The following LTBP2 variants were observed in gnomAD, a reference collection of about 807,000 sequenced individuals.
LTBP2 encodes latent-transforming growth factor beta-binding protein 2.
A neutral mutation model predicts 210.6 loss-of-function variants in LTBP2; 103 were observed. The ratio of observed to expected loss-of-function variants is 0.49; its 90% CI spans 0.42 to 0.58. The LOEUF is 0.58. Ranked by LOEUF, LTBP2 falls within the 20% of genes least tolerant of loss-of-function variation. The probability of loss-of-function intolerance (pLI) is 0.00; values close to 1 mark genes in which losing one functional copy is unlikely to be tolerated. For synonymous variants in LTBP2, 1,007 were observed against 1,015.0 expected (o/e 0.99, Z 0.15); for missense variants, 2,313 against 2,494.5 (o/e 0.93, Z 1.55).
Position 74,506,834 on chromosome 14 carries a change from G to A in LTBP2, c.3908-11C>T, listed in dbSNP as rs543674914. On this transcript the variant is annotated splice_polypyrimidine_tract_variant and intron_variant, in intron 26 of 35. Coordinates refer to ENST00000261978, the MANE Select transcript of LTBP2 (RefSeq NM_000428.3). ...CGCACTCGTCTATGTCTGTGGGACA[G>A]TGGGAACCAGGATAGAGGATGTGTG... 8 of 1,613,520 alleles carry A rather than the reference G, an allele frequency of 5.0e-6. No individual in the cohort carries two copies. Among genetic ancestry groups the A allele is most frequent in the Non-Finnish European group, 6.8e-6 (8 of 1,179,916 alleles).
At position 74,506,695 on chromosome 14, in the gene LTBP2, C is replaced by T. The variant is rs1379013287; in HGVS notation, c.4033+3G>A. 1 of 1,613,274 alleles carries T rather than the reference C, an allele frequency of 6.2e-7. No individual in the cohort carries two copies. The highest frequency in any genetic ancestry group is 8.5e-7 in the Non-Finnish European group (1 of 1,179,988). On this transcript the variant is annotated splice_donor_region_variant and intron_variant, in intron 27 of 35. Transcript: ENST00000261978. The stretch of plus-strand genomic sequence containing the variant: ...GACCTTGGGTAGCCCACAGGCTCCT[C>T]ACCCACACAGTCCCAGCCTGAGGGA...
At chr14:74,501,266 C>CG (rs1428882394) in intron 35 of LTBP2, among the ~76,000 whole-genome samples, 175 bp downstream of exon 35, 2 of 152,240 alleles carry the variant, frequency 1.3e-5, no homozygotes, top group Non-Finnish European at 2.9e-5. Flanking sequence ...GGAACCTGCA[C>CG]GGAAGGGGCT....
At position 74,611,483 on chromosome 14, in the gene LTBP2, C is replaced by T. The variant is rs771089675; in HGVS notation, c.462G>A (p.Ala154=). 2.0e-6 allele frequency: 3 copies of T among 1,494,824 alleles called. No homozygotes were observed. The highest frequency in any genetic ancestry group is 2.6e-6 in the Non-Finnish European group (3 of 1,135,556). 92.6% of individuals were successfully genotyped at this position (1,494,824 alleles called of 1,614,324 possible). The change falls in exon 1 of 36, where the codon GCG becomes GCA. Residue 154 remains alanine (A), a synonymous_variant. Coordinates refer to ENST00000261978, the MANE Select transcript of LTBP2 (RefSeq NM_000428.3). ...GCCGCCCTCGCGGCGGGGTTGGGGG[C>T]GCAGCCCCAGACCGCTGTGGGGTCC... ...RLGTPQRSGA[A]PPTPPRGRLT... is the part of the protein sequence containing the mutation.
intron 26 of LTBP2, 61 bp from the exon 27 acceptor site, chr14:74,506,884 CGCGCGTGTGT>C: frequency 6.6e-7 from 1 of 1,506,030 alleles, no homozygotes; most frequent in East Asian, 2.4e-5. Flanking sequence ...TGTGTGCGCG[CGCGCGTGTGT>C]GCTCACTCTC....
chr14:74,509,378 C>T lies in LTBP2; in HGVS notation c.3278-15G>A, dbSNP rs201661499. The T allele has an allele frequency of 1.7e-5, 28 of 1,612,522 alleles. No homozygotes were observed. The highest frequency in any genetic ancestry group is 3.3e-5 in the Admixed American group (2 of 59,994). ...CTCATCTAGGTCTGCAGACAGACAG[C>T]GCTCGCCCGGGGACCTAGGAGGGCT... On this transcript the variant is annotated splice_polypyrimidine_tract_variant and intron_variant, in intron 21 of 35. Coordinates refer to ENST00000261978, the MANE Select transcript of LTBP2 (RefSeq NM_000428.3).
At chr14:74,587,550 A>G (rs2088225129) in intron 2 of LTBP2, among the ~76,000 whole-genome samples, 1 of 151,524 alleles carries the variant, frequency 6.6e-6, no homozygotes, top group Non-Finnish European at 1.5e-5. Context: ...GGCGAAGACC[A>G]GGCTGTGGAG....
At chr14:74,540,062 C>T (rs759372791) in intron 8 of LTBP2, among the ~76,000 whole-genome samples, 23 of 152,134 alleles carry the variant, frequency 1.5e-4, no homozygotes, top group Non-Finnish European at 2.9e-4. Context: ...CCATTTTTAC[C>T]AACAACCTCC....
chr14:74,537,168 A>G (rs1291854587), intron 8 of LTBP2, among the ~76,000 whole-genome samples: 1 of 151,460 alleles, frequency 6.6e-6, no homozygotes, highest in Non-Finnish European at 1.5e-5. Flanking sequence ...AAGAAAAAAA[A>G]AAAAACCAAA....
rs566005009 is a variant in LTBP2 at position 74,577,809 on chromosome 14, C to A, written c.830+8045G>T. On this transcript the variant is annotated intron_variant, in intron 3 of 35. Transcript: ENST00000261978. ...GGCATGGCCAGCGCGCCCAGCTGAC[C>A]ATTAGCTCTTGAGCTTAGAGGAGAT... 1.4e-3 allele frequency among the ~76,000 whole-genome samples: 205 copies of A among 146,348 alleles called. 4 individuals are homozygous for A. The highest frequency in any genetic ancestry group is 4.1e-4 in the Non-Finnish European group (27 of 65,802).
In LTBP2 at chr14:74,528,521, G is replaced by A. The variant is rs2087304958; in HGVS notation, c.2330C>T (p.Thr777Met). Reference protein sequence around the residue: ...PAERQPLRVVTDTWLEAGTIP... With the variant: ...PAERQPLRVVMDTWLEAGTIP... ...GGTCCCGGCCTCAAGCCAGGTGTCC[G>A]TGACGACCCGGAGGGGCTGCCTCTC... Residue 777 changes from threonine to methionine, a missense_variant, in exon 12 of 36, where the codon ACG becomes ATG. Physicochemically the swap from Thr to Met is moderately conservative, Grantham distance 81. Coordinates refer to ENST00000261978, the MANE Select transcript of LTBP2 (RefSeq NM_000428.3). 5.6e-6 allele frequency: 9 copies of A among 1,612,170 alleles called. No homozygotes were observed. The highest frequency in any genetic ancestry group is 2.0e-4 in the Middle Eastern group (1 of 5,048).
Position 74,501,522 on chromosome 14 carries a change from G to T in LTBP2, c.5239C>A (p.Arg1747Ser), listed in dbSNP as rs749061798. ...TAGCCCTCCCGCACGCGCACACAGC[G>T]GCCATTCTCACAGCCGTTCAGGATG... ...CGILNGCENG[R>S]CVRVREGYTC... Residue 1747 changes from arginine to serine, a missense_variant, in exon 35 of 36, where the codon CGC becomes AGC. Arg to Ser is a moderately radical substitution (Grantham distance 110). Coordinates refer to ENST00000261978, the MANE Select transcript of LTBP2 (RefSeq NM_000428.3). 4 of 1,614,164 alleles carry T rather than the reference G, an allele frequency of 2.5e-6. No individual in the cohort carries two copies. The East Asian group carries it at 8.9e-5, about 36-fold the overall frequency.
At chr14:74,591,068 T>C (rs2088277483) in intron 2 of LTBP2, among the ~76,000 whole-genome samples, 1 of 152,216 alleles carries the variant, frequency 6.6e-6, no homozygotes, top group African/African-American at 2.4e-5. Context: ...GCCAAGCCCC[T>C]ACGGCACACC....
At chr14:74,550,723 C>A (rs1232161035) in intron 7 of LTBP2, among the ~76,000 whole-genome samples, 1 of 152,220 alleles carries the variant, frequency 6.6e-6, no homozygotes, top group Non-Finnish European at 1.5e-5. Flanking sequence ...TGGCCAGATC[C>A]TAACAGCCCC....
intron 1 of LTBP2, 48 bp from the exon 2 acceptor site, chr14:74,603,753 G>GAATAGTCCCCAGCTCT: frequency 1.3e-6 from 2 of 1,534,464 alleles, no homozygotes; most frequent in Non-Finnish European, 9.0e-7. Flanking sequence ...TCAGAGCTGG[G>GAATAGTCCCCAGCTCT]GACTATTCAC....
chr14:74,611,626 A>G lies in LTBP2; in HGVS notation c.319T>C (p.Ser107Pro). ...RPTEAEARRP[S>P]RAQQSRRVQP... The stretch of plus-strand genomic sequence containing the variant: ...ACACGCCGCGACTGCTGCGCGCGGG[A>G]CGGCCTCCTGGCCTCCGCCTCGGTG... Residue 107 changes from serine (S) to proline (P), a missense_variant, in exon 1 of 36, where the codon TCC (serine) becomes CCC (proline). Ser to Pro is a moderately conservative substitution (Grantham distance 74, BLOSUM62 -1). Coordinates refer to ENST00000261978, the MANE Select transcript of LTBP2 (RefSeq NM_000428.3). 3 of 1,559,690 alleles carry G rather than the reference A, an allele frequency of 1.9e-6. No individual in the cohort carries two copies. The highest frequency in any genetic ancestry group is 2.6e-6 in the Non-Finnish European group (3 of 1,158,538).
intron 3 of LTBP2, among the ~76,000 whole-genome samples, chr14:74,581,427 G>T (rs948918200): frequency 6.6e-6 from 1 of 152,184 alleles, no homozygotes; most frequent in Non-Finnish European, 1.5e-5. Flanking sequence ...AGAAGAGGGA[G>T]GCAAGGGAGT....
intron 3 of LTBP2, among the ~76,000 whole-genome samples, chr14:74,576,777 C>G (rs549371389): frequency 6.6e-6 from 1 of 152,068 alleles, no homozygotes; most frequent in Admixed American, 6.5e-5. Context: ...CCTCAAGGGC[C>G]TCATTAAGGA....
chr14:74,534,364 G>A (rs1029022530), intron 9 of LTBP2, among the ~76,000 whole-genome samples: 3 of 152,186 alleles, frequency 2.0e-5, no homozygotes, highest in Admixed American at 6.5e-5. Flanking sequence ...CACAGGCCAC[G>A]TACACAGTAC....
At chr14:74,516,366 T>TCCCCCCCTCCCTC (rs1555348584) in intron 18 of LTBP2, among the ~76,000 whole-genome samples, 1 of 118,064 alleles carries the variant, frequency 8.5e-6, no homozygotes, top group Admixed American at 8.4e-5. Flanking sequence ...CTCCCTCCCT[T>TCCCCCCCTCCCTC]CCTTCCTTCC....
Sources: allele counts gnomAD v4.1 joint callset (sites outside exome capture counted in the v4.1 genomes callset), GRCh38; gene constraint gnomAD v4.1.1; transcripts MANE v1.5; gene names NCBI Gene and HGNC (gene_info 2026-07-23, HGNC 2026-07-21).